Variants in CDH13 observed in about 807,000 individuals in gnomAD.
CDH13 encodes cadherin-13.
In CDH13, 24 loss-of-function variants were observed where a neutral mutation model predicts 63.8. The observed-to-expected ratio is 0.38, with a 90% CI of 0.27 to 0.53. CDH13 has a LOEUF of 0.53. Among genes scored for constraint, CDH13 ranks in the 20% least tolerant of loss-of-function variants. CDH13 has a pLI of 0.85. For synonymous variants in CDH13, 503 were observed against 355.3 expected (o/e 1.42, Z -4.67); for missense variants, 1,049 against 903.1 (o/e 1.16, Z -2.07).
chr16:83,235,567 A>G (rs2040119019), intron 5 of CDH13, among the ~76,000 whole-genome samples: 1 of 130,128 alleles, frequency 7.7e-6, no homozygotes, highest in African/African-American at 2.8e-5. Flanking sequence ...CTCATTTTTT[A>G]TTCTATGTGG....
At chr16:82,970,287 C>T (rs1038654413) in intron 2 of CDH13, among the ~76,000 whole-genome samples, 1 of 151,828 alleles carries the variant, frequency 6.6e-6, no homozygotes, top group Non-Finnish European at 1.5e-5. Flanking sequence ...CATAGTATTC[C>T]CTGGTATATA....
intron 1 of CDH13, among the ~76,000 whole-genome samples, chr16:82,740,389 T>C (rs182382872): frequency 1.3e-5 from 2 of 152,230 alleles, no homozygotes; most frequent in African/African-American, 2.4e-5. Context: ...TTCCAGATAA[T>C]GTACAGCGTA....
intron 7 of CDH13, among the ~76,000 whole-genome samples, chr16:83,595,620 T>C (rs1449226501): frequency 6.6e-6 from 1 of 152,218 alleles, no homozygotes; most frequent in Non-Finnish European, 1.5e-5. Flanking sequence ...GATCCAGGTT[T>C]CTTCCTTTTG....
intron 7 of CDH13, among the ~76,000 whole-genome samples, chr16:83,571,204 T>G (rs1018388168): frequency 6.6e-6 from 1 of 152,052 alleles, no homozygotes; most frequent in African/African-American, 2.4e-5. Context: ...TTGCTCCATA[T>G]GGATTTTCTA....
intron 8 of CDH13, among the ~76,000 whole-genome samples, chr16:83,625,940 G>T (rs1197198100): frequency 6.6e-6 from 1 of 152,086 alleles, no homozygotes; most frequent in Non-Finnish European, 1.5e-5. Flanking sequence ...GGTGTATTGG[G>T]GTCTTTCCCT....
intron 8 of CDH13, among the ~76,000 whole-genome samples, chr16:83,649,243 A>G (rs1912134928): frequency 6.6e-6 from 1 of 152,244 alleles, no homozygotes; most frequent in Non-Finnish European, 1.5e-5. Flanking sequence ...AGACCCAATG[A>G]GGATTTTGGA....
chr16:83,396,218 G>C (rs372617481), intron 6 of CDH13, among the ~76,000 whole-genome samples: 2 of 152,082 alleles, frequency 1.3e-5, no homozygotes, highest in African/African-American at 2.4e-5. Context: ...GGTTGATTCC[G>C]TGCCTTTGCT....
At chr16:83,408,467 C>G (rs539394158) in intron 6 of CDH13, among the ~76,000 whole-genome samples, 1 of 152,266 alleles carries the variant, frequency 6.6e-6, no homozygotes, top group South Asian at 2.1e-4. Context: ...ACCTGTACGG[C>G]TGTTACTCTA....
chr16:82,682,137 C>T (rs1295917174), intron 1 of CDH13, among the ~76,000 whole-genome samples: 1 of 152,184 alleles, frequency 6.6e-6, no homozygotes, highest in Non-Finnish European at 1.5e-5. Context: ...TTCATTTTGC[C>T]TCTCTTGTTC....
chr16:82,837,500 T>C (rs1020331910), intron 1 of CDH13, among the ~76,000 whole-genome samples: 71 of 152,160 alleles, frequency 4.7e-4, no homozygotes, highest in African/African-American at 1.6e-3. Context: ...GGAGGACTCA[T>C]GGTTAAGATT....
At chr16:83,564,224 C>G (rs535346916) in intron 7 of CDH13, among the ~76,000 whole-genome samples, 1 of 151,842 alleles carries the variant, frequency 6.6e-6, no homozygotes, top group African/African-American at 2.4e-5. Flanking sequence ...AAAATTGGAC[C>G]GAGTCTGTAT....
intron 1 of CDH13, among the ~76,000 whole-genome samples, chr16:82,758,523 G>C (rs1286967900): frequency 1.3e-5 from 2 of 151,948 alleles, no homozygotes. Context: ...TGAGGGAGAA[G>C]CTGATTGAGC....
intron 4 of CDH13, among the ~76,000 whole-genome samples, chr16:83,155,463 A>T (rs2037170232): frequency 6.6e-6 from 1 of 152,160 alleles, no homozygotes; most frequent in Admixed American, 6.5e-5. Flanking sequence ...GATGGGGAAA[A>T]TAAAGGATCT....
At chr16:83,048,734 T>C (rs1311258814) in intron 3 of CDH13, among the ~76,000 whole-genome samples, 2 of 152,174 alleles carry the variant, frequency 1.3e-5, no homozygotes, top group East Asian at 1.9e-4. Context: ...CACTCTTTTC[T>C]GCCTCTTTCT....
chr16:83,188,383 G>A (rs1332342471), intron 4 of CDH13, among the ~76,000 whole-genome samples: 2 of 152,108 alleles, frequency 1.3e-5, no homozygotes, highest in Non-Finnish European at 2.9e-5. Context: ...GGGAAGTGAG[G>A]ATTTTAGCTC....
chr16:82,763,051 A>G (rs2034912446), intron 1 of CDH13, among the ~76,000 whole-genome samples: 1 of 152,186 alleles, frequency 6.6e-6, no homozygotes, highest in African/African-American at 2.4e-5. Flanking sequence ...TATAGATTTT[A>G]TATAAGCATG....
chr16:83,535,527 C>T (rs950198687), intron 7 of CDH13, among the ~76,000 whole-genome samples: 4 of 152,192 alleles, frequency 2.6e-5, no homozygotes, highest in Non-Finnish European at 1.5e-5. Context: ...TCACAGGCAT[C>T]TGTGACTTAC....
chr16:82,953,960 A>G (rs372728972), intron 2 of CDH13: 1 of 152,172 alleles, frequency 6.6e-6, no homozygotes, highest in Admixed American at 6.5e-5. Flanking sequence ...GGAGGAATGC[A>G]CTCTGATTAT....
chr16:82,912,933 A>G (rs1447625827), intron 2 of CDH13, among the ~76,000 whole-genome samples: 1 of 150,324 alleles, frequency 6.7e-6, no homozygotes, highest in Non-Finnish European at 1.5e-5. Flanking sequence ...ACAGAGCGAG[A>G]CTGTGACTAA....
Sources: gnomAD v4.1 joint callset for allele counts (sites outside exome capture counted in the v4.1 genomes callset) on GRCh38, gnomAD v4.1.1 for gene constraint, MANE v1.5 for transcripts, NCBI Gene and HGNC (gene_info 2026-07-23, HGNC 2026-07-21) for gene names.